The following RGS5 variants were observed in gnomAD, a reference collection of about 807,000 sequenced individuals.
The protein encoded by RGS5 is regulator of G-protein signalling 5.
RGS5 carries 20 observed loss-of-function variants against 18.9 expected under a neutral mutation model. The ratio of observed to expected loss-of-function variants is 1.06; its 90% CI spans 0.74 to 1.54. RGS5 has a LOEUF of 1.54. Among genes scored for constraint, RGS5 ranks in the 40% most tolerant of loss-of-function variants. The pLI is 0.00. For synonymous variants in RGS5, 57 were observed against 76.2 expected (o/e 0.75, Z 1.31); for missense variants, 201 against 211.8 (o/e 0.95, Z 0.32).
At chr1:163,307,451 A>C (rs893105961) in intron 1 of RGS5, among the ~76,000 whole-genome samples, 12 of 152,148 alleles carry the variant, frequency 7.9e-5, no homozygotes, top group Non-Finnish European at 1.5e-4. Context: ...ATGTAGAAAA[A>C]GTCCCTCATT....
intron 2 of RGS5, among the ~76,000 whole-genome samples, chr1:163,241,582 G>A (rs763028205): frequency 2.3e-4 from 35 of 152,092 alleles, no homozygotes; most frequent in Non-Finnish European, 4.4e-4. Flanking sequence ...TGCAACCCAC[G>A]GTCGTTTATT....
chr1:163,314,344 T>C (rs1649955398), intron 1 of RGS5, among the ~76,000 whole-genome samples: 1 of 152,142 alleles, frequency 6.6e-6, no homozygotes, highest in African/African-American at 2.4e-5. Flanking sequence ...ATAATATTAC[T>C]TGGTACTTAT....
chr1:163,313,779 G>A (rs946002314), intron 1 of RGS5, among the ~76,000 whole-genome samples: 1 of 152,088 alleles, frequency 6.6e-6, no homozygotes, highest in Non-Finnish European at 1.5e-5. Flanking sequence ...AGGATTCAGG[G>A]ATAAAATCTG....
intron 2 of RGS5, among the ~76,000 whole-genome samples, chr1:163,258,409 A>G (rs1162714519): frequency 2.0e-5 from 3 of 152,190 alleles, no homozygotes; most frequent in Non-Finnish European, 4.4e-5. Flanking sequence ...ATGTCTTTGT[A>G]CAATAACTCA....
At position 163,145,185 on chromosome 1, in the gene RGS5, G is replaced by T. The variant is rs1057190590; in HGVS notation, c.*2157C>A. 1 of 152,144 alleles carries T rather than the reference G, an allele frequency of 6.6e-6. No homozygotes were observed. The highest frequency in any genetic ancestry group is 2.4e-5 in the African/African-American group (1 of 41,434). The allele number at this position is 152,144 out of a possible 1,614,324, so 9.4% of individuals were successfully genotyped here. A position where few individuals can be genotyped will look rare whatever the true frequency, so the allele number is the denominator to read the frequency against. On this transcript the variant is annotated 3_prime_UTR_variant, in exon 5 of 5. Coordinates refer to ENST00000313961, the MANE Select transcript of RGS5 (RefSeq NM_003617.4). ...CAATTTGTGAGTACAGTCCACTGGA[G>T]TCTTCATAACATCAACCCTCTAGGT...
chr1:163,277,450 A>G (rs1648885508), intron 2 of RGS5, among the ~76,000 whole-genome samples: 3 of 152,208 alleles, frequency 2.0e-5, no homozygotes, highest in Admixed American at 1.3e-4. Context: ...GGTTCACACT[A>G]TTAATGACAA....
At position 163,142,576 on chromosome 1, in the gene RGS5, C is replaced by T. The variant is rs1001288503; in HGVS notation, c.*4766G>A. ...TTAAAAAAAAATAGCTCCTTCAAAT[C>T]CTGACACTATATGACATAAAAAGAA... On this transcript the variant is annotated 3_prime_UTR_variant, in exon 5 of 5. Coordinates refer to ENST00000313961, the MANE Select transcript of RGS5 (RefSeq NM_003617.4). The T allele has an allele frequency of 1.3e-5, 2 of 152,058 alleles. No individual in the cohort carries two copies. Among genetic ancestry groups the T allele is most frequent in the Admixed American group, 6.6e-5 (1 of 15,250 alleles). The allele number at this position is 152,058 out of a possible 1,614,324, so 9.4% of individuals were successfully genotyped here. A position where few individuals can be genotyped will look rare whatever the true frequency, so the allele number is the denominator to read the frequency against.
chr1:163,320,125 T>C (rs1650146542), intron 1 of RGS5, among the ~76,000 whole-genome samples: 2 of 152,214 alleles, frequency 1.3e-5, no homozygotes, highest in Non-Finnish European at 2.9e-5. Context: ...TGCCTCATTT[T>C]TCTCTTTCTC....
chr1:163,289,070 G>C (rs1202537799), intron 2 of RGS5, among the ~76,000 whole-genome samples: 3 of 151,988 alleles, frequency 2.0e-5, no homozygotes, highest in Non-Finnish European at 2.9e-5. Context: ...ATTGCAACCA[G>C]AATATCAAAT....
intron 1 of RGS5, among the ~76,000 whole-genome samples, chr1:163,216,650 A>C (rs1660224070): frequency 1.3e-5 from 2 of 152,174 alleles, no homozygotes; most frequent in African/African-American, 4.8e-5. Context: ...TGTGCTGAGT[A>C]TAAGAACAGT....
At chr1:163,180,686 G>GGTTTTTTTTTTTTTTTTTTTTTTT (rs1658782132) in intron 1 of RGS5, among the ~76,000 whole-genome samples, 1 of 61,964 alleles carries the variant, frequency 1.6e-5, no homozygotes, top group Non-Finnish European at 3.0e-5. Context: ...CCCTTACCCT[G>GGTTTTTTTTTTTTTTTTTTTTTTT]TTTTTTTTTT....
At chr1:163,276,481 C>T (rs1200349212) in intron 2 of RGS5, among the ~76,000 whole-genome samples, 2 of 152,118 alleles carry the variant, frequency 1.3e-5, no homozygotes, top group African/African-American at 4.8e-5. Flanking sequence ...GTTCGTATAT[C>T]TAATTGCTAT....
chr1:163,196,566 T>C (rs1293826687), intron 1 of RGS5, among the ~76,000 whole-genome samples: 1 of 152,152 alleles, frequency 6.6e-6, no homozygotes, highest in African/African-American at 2.4e-5. Context: ...GGCAACTAGC[T>C]GGAATACAGA....
At chr1:163,257,202 T>C (rs1483923420) in intron 2 of RGS5, among the ~76,000 whole-genome samples, 1 of 152,018 alleles carries the variant, frequency 6.6e-6, no homozygotes, top group East Asian at 1.9e-4. Flanking sequence ...TTTTTGGAGA[T>C]ATGTACTAGG....
chr1:163,247,674 T>C (rs963543425), intron 2 of RGS5, among the ~76,000 whole-genome samples: 1 of 151,770 alleles, frequency 6.6e-6, no homozygotes, highest in East Asian at 1.9e-4. Flanking sequence ...TTATATTACA[T>C]ATAACTTTTT....
intron 1 of RGS5, among the ~76,000 whole-genome samples, chr1:163,213,663 GA>G (rs2101673108): frequency 6.6e-6 from 1 of 152,282 alleles, no homozygotes; most frequent in East Asian, 1.9e-4. Flanking sequence ...ATCCATGTTT[GA>G]AGCTAAATAA....
chr1:163,259,476 T>C (rs1648372725), intron 2 of RGS5, among the ~76,000 whole-genome samples: 1 of 152,104 alleles, frequency 6.6e-6, no homozygotes, highest in Non-Finnish European at 1.5e-5. Context: ...ACAGTGTTAG[T>C]CTCTAAAGAT....
intron 1 of RGS5, among the ~76,000 whole-genome samples, chr1:163,177,877 A>G (rs766605521): frequency 2.0e-5 from 3 of 152,212 alleles, no homozygotes; most frequent in Admixed American, 6.5e-5. Flanking sequence ...TGTGACGTCA[A>G]AAGCAAATGA....
chr1:163,279,249 T>C (rs1557929069), intron 2 of RGS5, among the ~76,000 whole-genome samples: 1 of 152,188 alleles, frequency 6.6e-6, no homozygotes, highest in East Asian at 1.9e-4. Flanking sequence ...TGGAACATTA[T>C]ACAGGATAGA....
Sources: gnomAD v4.1 joint callset for allele counts (sites outside exome capture counted in the v4.1 genomes callset) on GRCh38, gnomAD v4.1.1 for gene constraint, MANE v1.5 for transcripts, NCBI Gene and HGNC (gene_info 2026-07-23, HGNC 2026-07-21) for gene names.